NCKAP5: variants seen among roughly 807,000 people sequenced by gnomAD.
The protein encoded by NCKAP5 is NCK associated protein 5, also known as nck-associated protein 5.
NCKAP5 carries 92 observed loss-of-function variants against 167.0 expected under a neutral mutation model. The observed-to-expected ratio is 0.55, with a 90% CI of 0.47 to 0.66. The LOEUF (loss-of-function observed/expected upper bound fraction) is 0.66. NCKAP5 is among the 30% of genes least tolerant of loss of function. The pLI, the probability that NCKAP5 is intolerant of heterozygous loss-of-function variation, is 0.00. For synonymous variants in NCKAP5, 891 were observed against 877.4 expected (o/e 1.02, Z -0.27); for missense variants, 2,378 against 2,315.0 (o/e 1.03, Z -0.56).
At chr2:132,918,696 CA>C (rs1695077207) in intron 8 of NCKAP5, among the ~76,000 whole-genome samples, 1 of 152,002 alleles carries the variant, frequency 6.6e-6, no homozygotes, top group Non-Finnish European at 1.5e-5. Flanking sequence ...ACAAAAAAGA[CA>C]ATAAAACACA....
At chr2:133,158,399 A>T (rs2083656899) in intron 5 of NCKAP5, among the ~76,000 whole-genome samples, 1 of 152,208 alleles carries the variant, frequency 6.6e-6, no homozygotes, top group African/African-American at 2.4e-5. Context: ...ATAGCAATAC[A>T]CACTTCAGTC....
chr2:133,259,802 C>T (rs1251828952), intron 4 of NCKAP5, among the ~76,000 whole-genome samples: 1 of 152,136 alleles, frequency 6.6e-6, no homozygotes. Context: ...CTGTTAAGTG[C>T]CAAATCAGAT....
intron 5 of NCKAP5, among the ~76,000 whole-genome samples, chr2:133,199,847 AACT>A (rs1210290341): frequency 6.6e-6 from 1 of 152,014 alleles, no homozygotes; most frequent in Non-Finnish European, 1.5e-5. Context: ...TTATACAATG[AACT>A]ACTAATCAGC....
At chr2:132,865,338 C>G (rs141531439) in intron 10 of NCKAP5, among the ~76,000 whole-genome samples, 1,654 of 152,206 alleles carry the variant, frequency 0.011, 15 homozygotes, top group Non-Finnish European at 0.018. Context: ...AGGGCAATGG[C>G]TAAACAGTTC....
chr2:133,250,273 A>T (rs748544595), intron 4 of NCKAP5, among the ~76,000 whole-genome samples: 9 of 152,166 alleles, frequency 5.9e-5, no homozygotes, highest in Non-Finnish European at 1.3e-4. Context: ...GCCAGGGAAC[A>T]GCCCAGGTCT....
intron 6 of NCKAP5, among the ~76,000 whole-genome samples, chr2:133,057,372 G>A (rs909905868): frequency 1.3e-5 from 2 of 152,128 alleles, no homozygotes; most frequent in African/African-American, 4.8e-5. Flanking sequence ...AAGACAGGCC[G>A]AAAGCTAGGC....
At chr2:133,027,377 T>C (rs1429498331) in intron 6 of NCKAP5, among the ~76,000 whole-genome samples, 1 of 152,170 alleles carries the variant, frequency 6.6e-6, no homozygotes, top group African/African-American at 2.4e-5. Context: ...CAAACCCCAT[T>C]TTAAGTGCTT....
intron 3 of NCKAP5, among the ~76,000 whole-genome samples, chr2:133,315,619 G>A (rs990211448): frequency 3.3e-5 from 5 of 151,232 alleles, no homozygotes; most frequent in African/African-American, 1.2e-4. Context: ...CTAGTACTTG[G>A]AGGTTGAGAG....
At chr2:133,662,807 G>A in the NCKAP5 span, among the ~76,000 whole-genome samples, 1 of 151,382 alleles carries the variant, frequency 6.6e-6, no homozygotes, top group Non-Finnish European at 1.5e-5. Flanking sequence ...TTGGGCTCCT[G>A]ACCACTGCAG....
At chr2:133,376,627 A>G (rs1686163883) in intron 3 of NCKAP5, among the ~76,000 whole-genome samples, 1 of 152,160 alleles carries the variant, frequency 6.6e-6, no homozygotes. Flanking sequence ...TCTTTCTAAA[A>G]CACAGACTCT....
intron 6 of NCKAP5, among the ~76,000 whole-genome samples, chr2:133,062,325 C>T (rs1012613376): frequency 2.6e-5 from 4 of 152,154 alleles, no homozygotes; most frequent in African/African-American, 9.7e-5. Flanking sequence ...CCTTGTGTCT[C>T]CTGTTAGATA....
At chr2:133,014,263 C>T (rs1018997585) in intron 6 of NCKAP5, among the ~76,000 whole-genome samples, 3 of 152,154 alleles carry the variant, frequency 2.0e-5, no homozygotes, top group African/African-American at 7.2e-5. Flanking sequence ...GTGCAGATAG[C>T]CATGGATACT....
intron 11 of NCKAP5, among the ~76,000 whole-genome samples, chr2:132,845,572 A>G (rs1174513457): frequency 6.6e-6 from 1 of 152,190 alleles, no homozygotes; most frequent in Non-Finnish European, 1.5e-5. Context: ...CTATTATTGT[A>G]AAATAAATTC....
intron 3 of NCKAP5, among the ~76,000 whole-genome samples, chr2:133,352,415 G>T (rs1013078292): frequency 6.6e-6 from 1 of 152,174 alleles, no homozygotes; most frequent in Non-Finnish European, 1.5e-5. Context: ...ATGCACAAAT[G>T]CAGGAGGCAT....
intron 3 of NCKAP5, among the ~76,000 whole-genome samples, chr2:133,376,001 G>A (rs1158997956): frequency 3.9e-5 from 6 of 152,210 alleles, no homozygotes; most frequent in Non-Finnish European, 2.9e-5. Context: ...AAGGAAGTCA[G>A]CTCCTGCAGG....
At chr2:133,005,671 T>C (rs946899269) in intron 6 of NCKAP5, among the ~76,000 whole-genome samples, 1 of 152,152 alleles carries the variant, frequency 6.6e-6, no homozygotes, top group African/African-American at 2.4e-5. Context: ...AAATCTATTA[T>C]TTTGGGGATA....
intron 3 of NCKAP5, among the ~76,000 whole-genome samples, chr2:133,430,278 T>G (rs550792262): frequency 1.3e-5 from 2 of 152,280 alleles, no homozygotes; most frequent in African/African-American, 4.8e-5. Flanking sequence ...TATTAGTCCT[T>G]TCTTGGATGC....
chr2:133,624,272 CA>C, the NCKAP5 span, among the ~76,000 whole-genome samples: 1 of 152,046 alleles, frequency 6.6e-6, no homozygotes. Context: ...CTATTGAAAA[CA>C]TTTTTTTTTA....
chr2:133,077,753 G>A (rs904387054), intron 6 of NCKAP5, among the ~76,000 whole-genome samples: 1 of 152,088 alleles, frequency 6.6e-6, no homozygotes, highest in Non-Finnish European at 1.5e-5. Flanking sequence ...TTTCCCTTTA[G>A]CTTCTGCTAC....
Sources: allele counts gnomAD v4.1 joint callset (sites outside exome capture counted in the v4.1 genomes callset), GRCh38; gene constraint gnomAD v4.1.1; transcripts MANE v1.5; gene names NCBI Gene and HGNC (gene_info 2026-07-23, HGNC 2026-07-21).